The following SYNE2 variants were observed in gnomAD, a reference collection of about 807,000 sequenced individuals.
SYNE2 encodes the protein nesprin-2.
SYNE2 carries 431 observed loss-of-function variants against 856.3 expected under a neutral mutation model. That is an observed-to-expected ratio of 0.50 (90% CI 0.47 to 0.55). The LOEUF (loss-of-function observed/expected upper bound fraction) is 0.55, where lower values mean the gene tolerates loss of function less well. Among genes scored for constraint, SYNE2 ranks in the 20% least tolerant of loss-of-function variants. The pLI, the probability that SYNE2 is intolerant of heterozygous loss-of-function variation, is 0.00. For synonymous variants in SYNE2, 2,923 were observed against 2,872.3 expected, an observed-to-expected ratio of 1.02 and a Z score of -0.56; for missense variants, 8,129 against 8,023.2, an observed-to-expected ratio of 1.01 and a Z score of -0.50.
chr14:64,135,602 G>T (rs537909958), intron 78 of SYNE2, among the ~76,000 whole-genome samples: 2 of 152,042 alleles, frequency 1.3e-5, no homozygotes, highest in African/African-American at 4.8e-5. Context: ...GTATTTTAAG[G>T]CTTATTATTT....
intron 35 of SYNE2, among the ~76,000 whole-genome samples, chr14:64,020,735 T>C (rs2096929974): frequency 6.6e-6 from 1 of 152,208 alleles, no homozygotes; most frequent in South Asian, 2.1e-4. Flanking sequence ...AGAGAGAGAT[T>C]GCCCCAAGTA....
Position 64,219,427 on chromosome 14 carries a change from G to C in SYNE2, c.19860+17G>C. 6.2e-7 allele frequency: 1 copy of C among 1,612,514 alleles called. No homozygotes were observed. The highest frequency in any genetic ancestry group is 8.5e-7 in the Non-Finnish European group (1 of 1,178,690). Reference sequence around the variant, plus strand: ...AGACTGCAGGTGAGTTAGAGGTGTGGTGGGGAAGAGGGATTCAGAATGTGC... The same window carrying C: ...AGACTGCAGGTGAGTTAGAGGTGTGCTGGGGAAGAGGGATTCAGAATGTGC... On this transcript the variant is annotated intron_variant, in intron 110 of 115. Coordinates refer to ENST00000555002, the MANE Select transcript of SYNE2 (RefSeq NM_182914.3).
chr14:64,070,615 T>G (rs755338933), intron 51 of SYNE2, 30 bp from the exon 52 acceptor site: 8 of 1,586,140 alleles, frequency 5.0e-6, no homozygotes, highest in Middle Eastern at 1.7e-4. Context: ...ATATTTTACT[T>G]ATTTTAGTTC....
chr14:64,096,037 G>T (rs566332523), intron 61 of SYNE2, among the ~76,000 whole-genome samples: 3 of 152,088 alleles, frequency 2.0e-5, no homozygotes, highest in Non-Finnish European at 4.4e-5. Context: ...TCTTCAATGC[G>T]CCATCTTGGA....
At chr14:64,055,378 T>C (rs995610578) in intron 48 of SYNE2, among the ~76,000 whole-genome samples, 1 of 149,988 alleles carries the variant, frequency 6.7e-6, no homozygotes, top group Non-Finnish European at 1.5e-5. Context: ...TTTTTTTTTT[T>C]TTTTTTTTGA....
chr14:64,006,061 A>G (rs960279464), intron 30 of SYNE2, among the ~76,000 whole-genome samples: 1 of 152,214 alleles, frequency 6.6e-6, no homozygotes, highest in African/African-American at 2.4e-5. Flanking sequence ...AGAGTGGAAC[A>G]GGGATTTTGC....
At chr14:63,877,315 A>G (rs1332714893) in intron 1 of SYNE2, among the ~76,000 whole-genome samples, 1 of 152,206 alleles carries the variant, frequency 6.6e-6, no homozygotes, top group Non-Finnish European at 1.5e-5. Flanking sequence ...AATAGGAACT[A>G]TGATTCATAG....
chr14:63,906,615 T>G (rs1462395008), intron 1 of SYNE2, among the ~76,000 whole-genome samples: 1 of 152,196 alleles, frequency 6.6e-6, no homozygotes, highest in Non-Finnish European at 1.5e-5. Context: ...TTGTAGTGGA[T>G]CTTTTGTATT....
intron 45 of SYNE2, among the ~76,000 whole-genome samples, chr14:64,036,802 T>C (rs1007118411): frequency 6.6e-6 from 1 of 152,244 alleles, no homozygotes; most frequent in Non-Finnish European, 1.5e-5. Context: ...TTCTCTGGTT[T>C]GAATTCATCT....
chr14:64,113,561 T>C lies in SYNE2; in HGVS notation c.12830T>C (p.Val4277Ala), dbSNP rs777382459. ...DMQQVLEQQL[V>A]GCQAMLTEIE... The stretch of plus-strand genomic sequence containing the variant: ...CAGCAGGTGCTGGAACAGCAGCTGG[T>C]AGGGTGCCAGGTAAGACTGAGAAGT... The change falls in exon 66 of 116, where the codon GTA becomes GCA. Residue 4277 changes from valine (V) to alanine (A), a missense_variant. Coordinates refer to ENST00000555002, the MANE Select transcript of SYNE2 (RefSeq NM_182914.3). 2 of 1,608,134 alleles carry C rather than the reference T, an allele frequency of 1.2e-6. No individual in the cohort carries two copies. Among genetic ancestry groups the C allele is most frequent in the South Asian group, 2.2e-5 (2 of 90,022 alleles).
chr14:64,010,460 G>A (rs1026429198), intron 32 of SYNE2, among the ~76,000 whole-genome samples: 9 of 151,960 alleles, frequency 5.9e-5, no homozygotes, highest in African/African-American at 1.5e-4. Flanking sequence ...GAAGGAAGAC[G>A]GTGGGAAAAT....
intron 45 of SYNE2, among the ~76,000 whole-genome samples, chr14:64,035,004 C>A (rs965469560): frequency 6.7e-6 from 1 of 150,266 alleles, no homozygotes; most frequent in Non-Finnish European, 1.5e-5. Flanking sequence ...CTTGCCCCAT[C>A]CTTCCGAAAT....
intron 2 of SYNE2, among the ~76,000 whole-genome samples, chr14:63,940,340 C>G (rs914332432): frequency 6.6e-6 from 1 of 152,110 alleles, no homozygotes; most frequent in Non-Finnish European, 1.5e-5. Context: ...CAGGTGTGAA[C>G]CACAGCACCG....
At position 64,080,615 on chromosome 14, in the gene SYNE2, T is replaced by C; in HGVS notation, c.11323T>C (p.Cys3775Arg). The change falls in exon 56 of 116, where the codon TGT becomes CGT. Residue 3775 changes from cysteine (C) to arginine (R), a missense_variant. Physicochemically the swap from Cys to Arg is radical, Grantham distance 180. Around this residue, in one of 3 missense-constraint regions of SYNE2, gnomAD observed 5,410 missense variants for 5,284.8 expected, o/e 1.02. Coordinates refer to ENST00000555002, the MANE Select transcript of SYNE2 (RefSeq NM_182914.3). ...QYQQVSQRAE[C>R]RTSQLNKATV... ...TCAGCAAGTATCACAGAGAGCAGAG[T>C]GTAGAACCTCACAGTTGAATAAGGT... The C allele has an allele frequency of 1.2e-6, 2 of 1,614,052 alleles. No homozygotes were observed. The highest frequency in any genetic ancestry group is 1.7e-6 in the Non-Finnish European group (2 of 1,179,992).
intron 105 of SYNE2, among the ~76,000 whole-genome samples, chr14:64,213,577 G>A (rs775470158): frequency 2.6e-5 from 4 of 152,074 alleles, no homozygotes; most frequent in Non-Finnish European, 4.4e-5. Flanking sequence ...TGACCGATAC[G>A]ACTGGCCACT....
At chr14:64,046,612 T>C (rs1318562734) in intron 45 of SYNE2, among the ~76,000 whole-genome samples, 1 of 152,208 alleles carries the variant, frequency 6.6e-6, no homozygotes, top group Non-Finnish European at 1.5e-5. Context: ...TACCTCGGCC[T>C]CCCAAAGTGC....
Position 64,010,039 on chromosome 14 carries a change from A to G in SYNE2, c.4651A>G (p.Ile1551Val), listed in dbSNP as rs756963953. 6.2e-6 allele frequency: 10 copies of G among 1,614,094 alleles called. No individual in the cohort carries two copies. Among genetic ancestry groups the G allele is most frequent in the Non-Finnish European group, 5.1e-6 (6 of 1,179,982 alleles). The change falls in exon 32 of 116, where the codon ATT (isoleucine) becomes GTT (valine). Residue 1551 changes from isoleucine (I) to valine (V), a missense_variant. This residue lies in a region of SYNE2 where 2,422 missense variants were observed against 2,357.4 expected (regional missense o/e 1.03). Coordinates refer to ENST00000555002, the MANE Select transcript of SYNE2 (RefSeq NM_182914.3). ...TTTTAAAAGCATCTTGACAACTTTG[A>G]TTCAAAAAGAAGAGAGTGTCATCTC... is the stretch of plus-strand genomic sequence containing the variant. ...QNFKSILTTL[I>V]QKEESVISLQ...
chr14:63,909,095 C>G lies in SYNE2; in HGVS notation c.-51-3C>G. 1 of 1,234,072 alleles carries G rather than the reference C, an allele frequency of 8.1e-7. No individual in the cohort carries two copies. Among genetic ancestry groups the G allele is most frequent in the Non-Finnish European group, 1.2e-6 (1 of 834,158 alleles). The allele number at this position is 1,234,072 out of a possible 1,614,324, so 76.4% of individuals were successfully genotyped here. On this transcript the variant is annotated splice_region_variant and splice_polypyrimidine_tract_variant and intron_variant, in intron 1 of 115. Coordinates refer to ENST00000555002, the MANE Select transcript of SYNE2 (RefSeq NM_182914.3). ...AATGAACATTTATCCATTTCACTTT[C>G]AGTTCACTTCTTCAACTGAGATGGA...
chr14:63,859,287 G>C (rs1170974594), intron 1 of SYNE2, among the ~76,000 whole-genome samples: 1 of 152,144 alleles, frequency 6.6e-6, no homozygotes, highest in East Asian at 1.9e-4. Flanking sequence ...TGGTTTCATT[G>C]ATATTGTTTA....
Sources: gnomAD v4.1 joint callset for allele counts (sites outside exome capture counted in the v4.1 genomes callset) on GRCh38, gnomAD v4.1.1 for gene constraint, gnomAD v4.1.1 regional missense constraint, MANE v1.5 for transcripts, NCBI Gene and HGNC (gene_info 2026-07-23, HGNC 2026-07-21) for gene names.